The following STXBP5L variants were observed in gnomAD, a reference collection of about 807,000 sequenced individuals.
STXBP5L encodes syntaxin-binding protein 5-like.
Under a neutral mutation model 144.5 loss-of-function variants are expected in STXBP5L, and 65 were observed. The observed-to-expected ratio is 0.45, with a 90% confidence interval of 0.37 to 0.55. The LOEUF is 0.55. Among genes scored for constraint, STXBP5L ranks in the 20% least tolerant of loss-of-function variants. The pLI is 0.00. For missense variants in STXBP5L, 1,298 were observed against 1,405.5 expected (o/e 0.92, Z 1.22); for synonymous variants, 505 against 469.6 (o/e 1.08, Z -0.97).
At chr3:120,944,235 A>G (rs1223595958) in intron 2 of STXBP5L, among the ~76,000 whole-genome samples, 1 of 151,386 alleles carries the variant, frequency 6.6e-6, no homozygotes. Context: ...TGTTATTTTG[A>G]GACACATTAA....
intron 5 of STXBP5L, among the ~76,000 whole-genome samples, chr3:121,068,523 G>T (rs2041655763): frequency 6.6e-6 from 1 of 151,686 alleles, no homozygotes; most frequent in African/African-American, 2.4e-5. Context: ...TCTTTTTGAG[G>T]ATTTCAACAT....
intron 9 of STXBP5L, among the ~76,000 whole-genome samples, chr3:121,160,236 C>T (rs939842167): frequency 2.4e-4 from 37 of 152,208 alleles, no homozygotes; most frequent in Non-Finnish European, 2.6e-4. Context: ...TAGAAGTGCA[C>T]GCTTCTCAGT....
rs1011426755 is a variant in STXBP5L at position 121,045,605 on chromosome 3, C to G, written c.470+70C>G. ...TATTTCCTGAGCAAGTTTTTGTTAA[C>G]TTGACAGGCTTTTTTCCTCATAATC... On this transcript the variant is annotated intron_variant, in intron 5 of 26. Coordinates refer to ENST00000471454, the MANE Select transcript of STXBP5L (RefSeq NM_001308330.2). 10 of 1,347,778 alleles carry G rather than the reference C, an allele frequency of 7.4e-6. No homozygotes were observed. In the African/African-American group the frequency reaches 1.2e-4, roughly 16 times the overall value. The allele number at this position is 1,347,778 out of a possible 1,614,324, so 83.5% of individuals were successfully genotyped here. A position where few individuals can be genotyped will look rare whatever the true frequency, so the allele number is the denominator to read the frequency against.
chr3:120,988,989 T>C (rs2107940666), intron 3 of STXBP5L, among the ~76,000 whole-genome samples: 1 of 152,246 alleles, frequency 6.6e-6, no homozygotes. Flanking sequence ...GCAAAAGACA[T>C]GATTTCATTC....
intron 3 of STXBP5L, among the ~76,000 whole-genome samples, chr3:120,961,870 A>G (rs1938872129): frequency 6.6e-6 from 1 of 152,184 alleles, no homozygotes; most frequent in African/African-American, 2.4e-5. Flanking sequence ...CAATAGTTGA[A>G]CTAGTTTACA....
intron 7 of STXBP5L, among the ~76,000 whole-genome samples, chr3:121,134,391 A>G (rs1437811189): frequency 6.6e-6 from 1 of 152,076 alleles, no homozygotes; most frequent in Non-Finnish European, 1.5e-5. Context: ...ATACTGCTAC[A>G]TTGGAGATTA....
At chr3:121,153,461 C>T (rs1451547501) in intron 8 of STXBP5L, among the ~76,000 whole-genome samples, 1 of 151,728 alleles carries the variant, frequency 6.6e-6, no homozygotes, top group African/African-American at 2.4e-5. Context: ...AGGAAAAGTG[C>T]CAAATAATTT....
In STXBP5L at chr3:121,257,470, T is replaced by C. The variant is rs960140815; in HGVS notation, c.1832+137T>C. On this transcript the variant is annotated intron_variant, in intron 17 of 26. Transcript: ENST00000471454. Reference sequence around the variant, plus strand: ...TACAATTCTTCAGGGGTTACTCTGGTCTTTTCTTTGAACATCTGTGAAGAG... The same window carrying C: ...TACAATTCTTCAGGGGTTACTCTGGCCTTTTCTTTGAACATCTGTGAAGAG... 3 of 709,828 alleles carry C rather than the reference T, an allele frequency of 4.2e-6. No homozygotes were observed. The African/African-American group carries it at 5.3e-5, about 13-fold the overall frequency. The allele number at this position is 709,828 out of a possible 1,614,324, so 44.0% of individuals were successfully genotyped here.
intron 3 of STXBP5L, among the ~76,000 whole-genome samples, chr3:121,036,197 G>A (rs955315134): frequency 6.6e-6 from 1 of 152,026 alleles, no homozygotes; most frequent in Non-Finnish European, 1.5e-5. Flanking sequence ...GCTGGGCACG[G>A]TTGTGGGCTC....
rs1283050510 is a variant in STXBP5L at position 121,201,837 on chromosome 3, T to C, written c.878-4086T>C. 2.6e-5 allele frequency among the ~76,000 whole-genome samples: 4 copies of C among 152,164 alleles called. 1 individual carries two copies. Among genetic ancestry groups the C allele is most frequent in the Admixed American group, 2.0e-4 (3 of 15,272 alleles). ...TATTTTCTTTAAGAATGTTGAATAT[T>C]GGCCCCCTCCTGGGTTCAAGGGATT... On this transcript the variant is annotated intron_variant, in intron 9 of 26. Coordinates refer to ENST00000471454, the MANE Select transcript of STXBP5L (RefSeq NM_001308330.2).
intron 3 of STXBP5L, among the ~76,000 whole-genome samples, chr3:120,987,113 A>G (rs574174359): frequency 1.3e-5 from 2 of 152,048 alleles, no homozygotes; most frequent in Non-Finnish European, 2.9e-5. Context: ...AGATGGATTC[A>G]TATTGAGACA....
At chr3:120,997,656 C>G (rs987530334) in intron 3 of STXBP5L, among the ~76,000 whole-genome samples, 2 of 151,928 alleles carry the variant, frequency 1.3e-5, no homozygotes, top group Non-Finnish European at 2.9e-5. Context: ...TGTTTTTAAG[C>G]TTTTGTAGTC....
At chr3:121,076,525 C>T (rs1319182555) in intron 5 of STXBP5L, among the ~76,000 whole-genome samples, 1 of 152,120 alleles carries the variant, frequency 6.6e-6, no homozygotes, top group South Asian at 2.1e-4. Context: ...TGCCCTGCAG[C>T]CACTCAGGGC....
chr3:121,318,487 T>C lies in STXBP5L; in HGVS notation c.2123T>C (p.Leu708Pro), dbSNP rs1237394192. 1.9e-6 allele frequency: 3 copies of C among 1,561,890 alleles called. No homozygotes were observed. The East Asian group carries it at 7.2e-5, about 37-fold the overall frequency. ...NKQFIAGLTE[L>P]NDSPVPLELE... is the part of the protein sequence containing the mutation. The stretch of plus-strand genomic sequence containing the variant: ...ATTGTATTTTCAGGTTTAACTGAAC[T>C]GAATGACAGTCCAGTTCCCCTAGAA... Residue 708 changes from leucine to proline, a missense_variant, in exon 20 of 27, where the codon CTG (leucine) becomes CCG (proline). Transcript: ENST00000471454.
At chr3:121,024,008 T>A (rs1945747488) in intron 3 of STXBP5L, among the ~76,000 whole-genome samples, 1 of 152,126 alleles carries the variant, frequency 6.6e-6, no homozygotes, top group Admixed American at 6.6e-5. Context: ...TACGCCCGCC[T>A]TGGCCTCCCA....
intron 18 of STXBP5L, among the ~76,000 whole-genome samples, chr3:121,273,533 G>T (rs2108425381): frequency 6.6e-6 from 1 of 151,898 alleles, no homozygotes; most frequent in Non-Finnish European, 1.5e-5. Flanking sequence ...CATAAATCTG[G>T]ATATGTATAT....
At chr3:121,366,042 T>A (rs1205391336) in intron 20 of STXBP5L, among the ~76,000 whole-genome samples, 1 of 151,958 alleles carries the variant, frequency 6.6e-6, no homozygotes, top group Non-Finnish European at 1.5e-5. Flanking sequence ...GAGAGTGTTG[T>A]TTAATTTCCA....
At chr3:121,084,921 A>G (rs2042417525) in intron 5 of STXBP5L, among the ~76,000 whole-genome samples, 1 of 152,094 alleles carries the variant, frequency 6.6e-6, no homozygotes, top group Admixed American at 6.5e-5. Context: ...CTGGCATGAG[A>G]TAGTATCTCA....
At chr3:121,117,251 G>A (rs985059271) in intron 6 of STXBP5L, among the ~76,000 whole-genome samples, 15 of 151,838 alleles carry the variant, frequency 9.9e-5, no homozygotes, top group African/African-American at 2.9e-4. Context: ...CATTAGAATA[G>A]CATCTACTAT....
Sources: gnomAD v4.1 joint callset for allele counts (sites outside exome capture counted in the v4.1 genomes callset) on GRCh38, gnomAD v4.1.1 for gene constraint, MANE v1.5 for transcripts, NCBI Gene and HGNC (gene_info 2026-07-23, HGNC 2026-07-21) for gene names.